The following RGS6 variants were observed in gnomAD, a reference collection of about 807,000 sequenced individuals.
RGS6 encodes the protein regulator of G-protein signaling 6.
A neutral mutation model predicts 78.5 loss-of-function variants in RGS6; 30 were observed. That is an observed-to-expected ratio of 0.38 (90% confidence interval 0.29 to 0.52). RGS6 has a LOEUF of 0.52. Ranked by LOEUF, RGS6 falls within the 20% of genes least tolerant of loss-of-function variation. RGS6 has a pLI of 0.85. For synonymous variants in RGS6, 206 were observed against 206.0 expected, an observed-to-expected ratio of 1.00 and a Z score of 0.00; for missense variants, 495 against 609.7, an observed-to-expected ratio of 0.81 and a Z score of 1.98.
chr14:71,981,594 G>T (rs1340145091), intron 2 of RGS6, among the ~76,000 whole-genome samples: 1 of 151,936 alleles, frequency 6.6e-6, no homozygotes, highest in South Asian at 2.1e-4. Context: ...CAGTTAGGCT[G>T]CTCGGGGGTC....
the RGS6 span, among the ~76,000 whole-genome samples, chr14:71,898,377 T>C: frequency 1.3e-5 from 2 of 152,306 alleles, no homozygotes; most frequent in South Asian, 4.1e-4. Context: ...TCCTGGTGTT[T>C]AGTGAAATCT....
intron 2 of RGS6, among the ~76,000 whole-genome samples, chr14:72,350,678 A>G (rs1210159002): frequency 1.3e-5 from 2 of 152,226 alleles, no homozygotes; most frequent in Non-Finnish European, 2.9e-5. Context: ...GACCTACACT[A>G]GACATGTAGC....
At chr14:72,252,683 T>C (rs2056097251) in intron 2 of RGS6, among the ~76,000 whole-genome samples, 1 of 152,198 alleles carries the variant, frequency 6.6e-6, no homozygotes, top group Non-Finnish European at 1.5e-5. Flanking sequence ...AAACATATTC[T>C]CAATCTATGT....
chr14:72,340,706 T>A (rs901661498), intron 2 of RGS6, among the ~76,000 whole-genome samples: 3 of 152,196 alleles, frequency 2.0e-5, no homozygotes, highest in African/African-American at 7.2e-5. Context: ...ACCCTTCTTG[T>A]TCCATCTGAA....
At chr14:71,983,300 G>T (rs2094545396) in intron 2 of RGS6, among the ~76,000 whole-genome samples, 1 of 152,206 alleles carries the variant, frequency 6.6e-6, no homozygotes, top group Admixed American at 6.5e-5. Context: ...GACCTGAAAA[G>T]AAGCTTTACC....
At chr14:72,255,679 A>C (rs1320419114) in intron 2 of RGS6, among the ~76,000 whole-genome samples, 1 of 152,192 alleles carries the variant, frequency 6.6e-6, no homozygotes, top group Non-Finnish European at 1.5e-5. Flanking sequence ...GGCTTCAAAG[A>C]GGCTGATTTT....
chr14:72,460,516 A>C (rs2095750583), intron 6 of RGS6, among the ~76,000 whole-genome samples: 1 of 152,212 alleles, frequency 6.6e-6, no homozygotes, highest in Non-Finnish European at 1.5e-5. Context: ...TTCTTTATTG[A>C]AGGTGACCAA....
rs547590722 is a variant in RGS6, at chr14:71,964,460, C to T, written c.-20-312C>T. On this transcript the variant is annotated intron_variant, in intron 1 of 17. Transcript: ENST00000553525. ...GGCGGAGGTTTCAGAGAGCTGAGAT[C>T]GCGTCATTGCACTCTAGCCTGGGCA... 9.9e-5 allele frequency among the ~76,000 whole-genome samples: 15 copies of T among 152,120 alleles called. No individual in the cohort carries two copies. In the East Asian group the frequency reaches 1.7e-3, roughly 18 times the overall value.
intron 10 of RGS6, among the ~76,000 whole-genome samples, chr14:72,475,906 G>A (rs558836534): frequency 5.4e-5 from 8 of 147,652 alleles, no homozygotes; most frequent in African/African-American, 1.3e-4. Context: ...TATTTTGTTC[G>A]TCACTGACTT....
At chr14:72,049,458 G>C (rs1596598166) in intron 2 of RGS6, among the ~76,000 whole-genome samples, 1 of 152,154 alleles carries the variant, frequency 6.6e-6, no homozygotes, top group Non-Finnish European at 1.5e-5. Flanking sequence ...CAAGTCTCTC[G>C]TGATATCTAC....
Position 72,418,667 on chromosome 14 carries a change from T to C in RGS6, c.185-35861T>C, listed in dbSNP as rs552716024. On this transcript the variant is annotated intron_variant, in intron 3 of 17. Coordinates refer to ENST00000553525, the MANE Select transcript of RGS6 (RefSeq NM_001204424.2). ...TAGAGAGAGAATGTCTCAAAACTCC[T>C]TGCATGGAAGGTGCCTGGAAATGTA... Among the ~76,000 whole-genome samples the C allele has an allele frequency of 1.5e-3, 236 of 152,330 alleles. 2 individuals carry two copies. The highest frequency in any genetic ancestry group is 5.4e-3 in the African/African-American group (223 of 41,574).
At chr14:72,026,896 TA>T (rs981301349) in intron 2 of RGS6, among the ~76,000 whole-genome samples, 25 of 152,230 alleles carry the variant, frequency 1.6e-4, no homozygotes, top group Middle Eastern at 3.4e-3. Context: ...GGGCAGGTGC[TA>T]GGGGGGGCTA....
chr14:72,154,615 G>A (rs1211662146), intron 2 of RGS6, among the ~76,000 whole-genome samples: 2 of 152,234 alleles, frequency 1.3e-5, no homozygotes, highest in African/African-American at 4.8e-5. Flanking sequence ...AGGCTGCATG[G>A]GGATCTAATG....
At chr14:72,476,126 C>A (rs1265256354) in intron 10 of RGS6, among the ~76,000 whole-genome samples, 1 of 152,132 alleles carries the variant, frequency 6.6e-6, no homozygotes, top group Non-Finnish European at 1.5e-5. Flanking sequence ...TTTAGTCTTT[C>A]CGTAATACGA....
intron 2 of RGS6, among the ~76,000 whole-genome samples, chr14:71,980,468 A>G (rs2153115863): frequency 7.3e-6 from 1 of 137,610 alleles, no homozygotes; most frequent in Non-Finnish European, 1.6e-5. Context: ...TGGTGACAAA[A>G]TCTCTCAGCA....
At chr14:72,406,952 T>G (rs534671607) in intron 3 of RGS6, among the ~76,000 whole-genome samples, 4 of 152,168 alleles carry the variant, frequency 2.6e-5, no homozygotes, top group Non-Finnish European at 5.9e-5. Context: ...TGTCCAGATA[T>G]CTCCATGTAA....
intron 2 of RGS6, among the ~76,000 whole-genome samples, chr14:72,241,974 A>G (rs1199071250): frequency 6.6e-6 from 1 of 152,222 alleles, no homozygotes; most frequent in African/African-American, 2.4e-5. Flanking sequence ...CTTGAATGAG[A>G]TATGCTGGAA....
intron 2 of RGS6, among the ~76,000 whole-genome samples, chr14:72,248,385 C>T (rs987070596): frequency 1.3e-5 from 2 of 152,132 alleles, no homozygotes; most frequent in Admixed American, 1.3e-4. Flanking sequence ...AGTAATAATT[C>T]ATAAAAATTT....
rs368125974 is a variant in RGS6, at chr14:72,562,438, C to A, written c.1444C>A (p.Arg482Ser). The change falls in exon 18 of 18, where the codon CGC becomes AGC. Residue 482 changes from arginine to serine, a missense_variant. Coordinates refer to ENST00000553525, the MANE Select transcript of RGS6 (RefSeq NM_001204424.2). ...RSVGKSLAGK[R>S]LTGLMQSS Reference sequence around the variant, plus strand: ...GCAGGGAAAGTCGCTGGCGGGCAAGCGCCTCACGGGCCTGATGCAGTCCTC... The same window carrying A: ...GCAGGGAAAGTCGCTGGCGGGCAAGAGCCTCACGGGCCTGATGCAGTCCTC... 1.2e-6 allele frequency: 2 copies of A among 1,612,840 alleles called. No individual in the cohort carries two copies. The highest frequency in any genetic ancestry group is 2.2e-5 in the East Asian group (1 of 44,882).
Sources: allele counts gnomAD v4.1 joint callset (sites outside exome capture counted in the v4.1 genomes callset), GRCh38; gene constraint gnomAD v4.1.1; transcripts MANE v1.5; gene names NCBI Gene and HGNC (gene_info 2026-07-23, HGNC 2026-07-21).